The following CRK variants were observed in gnomAD, a reference collection of about 807,000 sequenced individuals.
CRK encodes the protein adapter molecule crk.
In CRK, 4 loss-of-function variants were observed where a neutral mutation model predicts 29.8. That is an observed-to-expected ratio of 0.13 (90% CI 0.07 to 0.31). The LOEUF is 0.31. Ranked by LOEUF, CRK falls within the 10% of genes least tolerant of loss-of-function variation. CRK has a pLI of 1.00. For synonymous variants in CRK, 153 were observed against 164.9 expected, an observed-to-expected ratio of 0.93 and a Z score of 0.55; for missense variants, 274 against 396.5, an observed-to-expected ratio of 0.69 and a Z score of 2.62.
intron 2 of CRK, among the ~76,000 whole-genome samples, chr17:1,432,635 G>A (rs2073854849): frequency 6.6e-6 from 1 of 151,964 alleles, no homozygotes; most frequent in Non-Finnish European, 1.5e-5. Flanking sequence ...AAATTAGCCA[G>A]GCGTGGTGGC....
rs1326867801 is a variant in CRK at position 1,425,231 on chromosome 17, A to AG, written c.778-1582dup. Among the ~76,000 whole-genome samples the AG allele has an allele frequency of 4.0e-5, 6 of 151,836 alleles. No homozygotes were observed. The East Asian group carries it at 1.2e-3, about 30-fold the overall frequency. Reference sequence around the variant, plus strand: ...CAGCCTCCCTAGTAGCTGGGACTACAGCCGCCCGCCACCACGCCCAGCTAA... The same window carrying AG: ...CAGCCTCCCTAGTAGCTGGGACTACAGGCCGCCCGCCACCACGCCCAGCTAA... On this transcript the variant is annotated intron_variant, in intron 2 of 2. Coordinates refer to ENST00000300574, the MANE Select transcript of CRK (RefSeq NM_016823.4).
chr17:1,440,845 CG>C (rs2073929693), intron 1 of CRK, among the ~76,000 whole-genome samples: 1 of 152,016 alleles, frequency 6.6e-6, no homozygotes, highest in Non-Finnish European at 1.5e-5. Context: ...TCAAGGCTAC[CG>C]TGAGTCGTGA....
At chr17:1,432,740 G>A (rs553534284) in intron 2 of CRK, among the ~76,000 whole-genome samples, 22 of 148,252 alleles carry the variant, frequency 1.5e-4, no homozygotes, top group African/African-American at 5.5e-4. Flanking sequence ...TCACGCCACT[G>A]CACTCCAGCC....
At chr17:1,434,558 G>A (rs1311222343) in intron 2 of CRK, among the ~76,000 whole-genome samples, 1 of 152,044 alleles carries the variant, frequency 6.6e-6, no homozygotes, top group East Asian at 1.9e-4. Flanking sequence ...TGAGGCGGGT[G>A]GATCACCTGA....
rs1441219416 is a variant in CRK, at chr17:1,423,036, A to G, written c.*477T>C. ...GAGTCACACGCTGGTCATGCTCCAT[A>G]CAATGAAAGCAATCCTGCTTGATAC... is the stretch of plus-strand genomic sequence containing the variant. On this transcript the variant is annotated 3_prime_UTR_variant, in exon 3 of 3. Transcript: ENST00000300574. 1 of 400,180 alleles carries G rather than the reference A, an allele frequency of 2.5e-6. No homozygotes were observed. Among genetic ancestry groups the G allele is most frequent in the Non-Finnish European group, 4.4e-6 (1 of 227,002 alleles). 24.8% of individuals were successfully genotyped at this position (400,180 alleles called of 1,614,324 possible).
chr17:1,440,103 T>C (rs1175461906), intron 1 of CRK, among the ~76,000 whole-genome samples: 3 of 150,688 alleles, frequency 2.0e-5, no homozygotes, highest in African/African-American at 7.3e-5. Context: ...ATCAAGACCA[T>C]CCTGGCTAAC....
chr17:1,435,572 C>A (rs1332968530), intron 2 of CRK, among the ~76,000 whole-genome samples: 1 of 152,062 alleles, frequency 6.6e-6, no homozygotes. Flanking sequence ...GGGTAGAAAT[C>A]TATTTTCCTC....
intron 2 of CRK, among the ~76,000 whole-genome samples, chr17:1,429,010 T>A (rs1025883423): frequency 6.6e-6 from 1 of 151,314 alleles, no homozygotes; most frequent in Non-Finnish European, 1.5e-5. Context: ...CACGTCCGGC[T>A]AATTTTTTCG....
At chr17:1,450,188 G>A (rs547323353) in intron 1 of CRK, among the ~76,000 whole-genome samples, 1 of 151,990 alleles carries the variant, frequency 6.6e-6, no homozygotes, top group East Asian at 1.9e-4. Flanking sequence ...CTGGGCAACA[G>A]AGCAAGACTC....
At position 1,436,632 on chromosome 17, in the gene CRK, G is replaced by A; in HGVS notation, c.765C>T (p.Ala255=). 1.2e-6 allele frequency: 2 copies of A among 1,604,728 alleles called. No homozygotes were observed. The highest frequency in any genetic ancestry group is 1.7e-6 in the Non-Finnish European group (2 of 1,176,708). ...KRVPNAYDKT[A]LALEVGELVK... ...GCACGTTATGTACCTCCAAAGCCAA[G>A]GCTGTCTTGTCGTAGGCATTGGGGA... Residue 255 remains alanine, a synonymous_variant, in exon 2 of 3, where the codon GCC becomes GCT. Coordinates refer to ENST00000300574, the MANE Select transcript of CRK (RefSeq NM_016823.4).
Position 1,456,232 on chromosome 17 carries a change from T to A in CRK, c.-115A>T. On this transcript the variant is annotated 5_prime_UTR_variant, in exon 1 of 3. Coordinates refer to ENST00000300574, the MANE Select transcript of CRK (RefSeq NM_016823.4). ...TTCAGCTTCACAGCAGCGCCCGAAA[T>A]GGCGGCGGCAGCCGCGGGCCTCCCC... The A allele has an allele frequency of 7.8e-7, 1 of 1,277,824 alleles. No individual in the cohort carries two copies. The highest frequency in any genetic ancestry group is 9.9e-7 in the Non-Finnish European group (1 of 1,010,574). 79.2% of individuals were successfully genotyped at this position (1,277,824 alleles called of 1,614,324 possible).
Position 1,423,128 on chromosome 17 carries a change from G to C in CRK, c.*385C>G, listed in dbSNP as rs748666755. ...ACAGTCTGTCGCCATTTGATAGTAT[G>C]GTTCCAGAATGAAAACAAAACCACT... On this transcript the variant is annotated 3_prime_UTR_variant, in exon 3 of 3. Transcript: ENST00000300574. 1.2e-5 allele frequency: 5 copies of C among 429,612 alleles called. No individual in the cohort carries two copies. The allele number at this position is 429,612 out of a possible 1,614,324, so 26.6% of individuals were successfully genotyped here.
intron 1 of CRK, among the ~76,000 whole-genome samples, chr17:1,450,914 C>T (rs947785545): frequency 2.0e-5 from 3 of 149,128 alleles, no homozygotes; most frequent in African/African-American, 5.0e-5. Flanking sequence ...ACAAATAGGC[C>T]GGGCGCGGTG....
At chr17:1,455,740 G>T in intron 1 of CRK, 137 bp downstream of exon 1, 1 of 1,255,980 alleles carries the variant, frequency 8.0e-7, no homozygotes, top group Non-Finnish European at 1.0e-6. Context: ...AGCCCGAGCA[G>T]CCGGCGGGCC....
At chr17:1,445,747 GA>G (rs1246883032) in intron 1 of CRK, among the ~76,000 whole-genome samples, 3 of 152,154 alleles carry the variant, frequency 2.0e-5, no homozygotes, top group African/African-American at 7.2e-5. Context: ...GCCTGGTCAA[GA>G]AAACTCTAGG....
chr17:1,441,148 G>A (rs1044646462), intron 1 of CRK, among the ~76,000 whole-genome samples: 2 of 152,002 alleles, frequency 1.3e-5, no homozygotes, highest in East Asian at 1.9e-4. Context: ...AGCCAGTCTC[G>A]AATTCCTGAG....
At position 1,423,489 on chromosome 17, in the gene CRK, G is replaced by T; in HGVS notation, c.*24C>A. 6.3e-7 allele frequency: 1 copy of T among 1,583,042 alleles called. No individual in the cohort carries two copies. Among genetic ancestry groups the T allele is most frequent in the Non-Finnish European group, 8.6e-7 (1 of 1,165,148 alleles). On this transcript the variant is annotated 3_prime_UTR_variant, in exon 3 of 3. Transcript: ENST00000300574. ...AAAAAAAAAAAGATTGTTCCCATCT[G>T]TCAGCAAAACTGTTGAACTATACTC...
At chr17:1,452,721 C>T (rs1431661221) in intron 1 of CRK, among the ~76,000 whole-genome samples, 1 of 151,396 alleles carries the variant, frequency 6.6e-6, no homozygotes, top group African/African-American at 2.4e-5. Flanking sequence ...ACCTAGAAGG[C>T]AGAGGTTGCA....
At chr17:1,433,915 G>C (rs1016109712) in intron 2 of CRK, among the ~76,000 whole-genome samples, 2 of 149,762 alleles carry the variant, frequency 1.3e-5, no homozygotes, top group Non-Finnish European at 3.0e-5. Flanking sequence ...GCCCAGGCTG[G>C]TTTCAAACAC....
Sources: gnomAD v4.1 joint callset for allele counts (sites outside exome capture counted in the v4.1 genomes callset) on GRCh38, gnomAD v4.1.1 for gene constraint, MANE v1.5 for transcripts, NCBI Gene and HGNC (gene_info 2026-07-23, HGNC 2026-07-21) for gene names.